The following CTNNA3 variants were observed in gnomAD, a reference collection of about 807,000 sequenced individuals.
CTNNA3 encodes catenin alpha 3, also known as catenin alpha-3.
Under a neutral mutation model 95.7 loss-of-function variants are expected in CTNNA3, and 76 were observed. The observed-to-expected ratio is 0.79, with a 90% CI of 0.66 to 0.96. The LOEUF is 0.96. Among genes scored for constraint, CTNNA3 ranks in the 40% least tolerant of loss-of-function variants. The pLI is 0.00. For synonymous variants in CTNNA3, 431 were observed against 374.4 expected, an observed-to-expected ratio of 1.15 and a Z score of -1.74; for missense variants, 1,191 against 1,089.8, an observed-to-expected ratio of 1.09 and a Z score of -1.31.
chr10:67,133,638 A>G (rs889769862), intron 7 of CTNNA3, among the ~76,000 whole-genome samples: 1 of 151,944 alleles, frequency 6.6e-6, no homozygotes, highest in Non-Finnish European at 1.5e-5. Context: ...GAATCAGGAG[A>G]TTAAAACTCT....
rs1795610223 is a variant in CTNNA3 at position 66,223,307 on chromosome 10, G to A, written c.1884+57163C>T. Among the ~76,000 whole-genome samples the A allele has an allele frequency of 1.3e-5, 2 of 152,012 alleles. 1 individual carries two copies. Among genetic ancestry groups the A allele is most frequent in the South Asian group, 4.1e-4 (2 of 4,820 alleles). ...AAACTACCTAAGTATGTTAGGTAAT[G>A]GGTTACTTATGAAAATTAAGTATTT... On this transcript the variant is annotated intron_variant, in intron 13 of 17. Coordinates refer to ENST00000433211, the MANE Select transcript of CTNNA3 (RefSeq NM_013266.4).
In CTNNA3 at chr10:66,280,828, A is replaced by AT. The variant is rs61169201; in HGVS notation, c.1733-208dup. Among the ~76,000 whole-genome samples the AT allele has an allele frequency of 0.27, 39,896 of 150,146 alleles. 5,979 individuals carry two copies. Among genetic ancestry groups the AT allele is most frequent in the African/African-American group, 0.41 (16,942 of 41,092 alleles). ...AAACGAATCAAAGACAATTAAAGGC[A>AT]TTTTTTTTTTCTAAACCCCAGGCTT... On this transcript the variant is annotated intron_variant, in intron 12 of 17. Coordinates refer to ENST00000433211, the MANE Select transcript of CTNNA3 (RefSeq NM_013266.4).
At chr10:66,551,933 C>T (rs529844215) in intron 10 of CTNNA3, among the ~76,000 whole-genome samples, 14 of 134,374 alleles carry the variant, frequency 1.0e-4, no homozygotes, top group African/African-American at 3.1e-4. Flanking sequence ...GACAGAGTCT[C>T]GCTCTGTCGC....
rs188407346 is a variant in CTNNA3, at chr10:67,626,727, T to A, written c.100-19678A>T. Among the ~76,000 whole-genome samples the A allele has an allele frequency of 3.5e-3, 540 of 152,278 alleles. 3 individuals carry two copies. Among genetic ancestry groups the A allele is most frequent in the Non-Finnish European group, 4.7e-3 (318 of 68,018 alleles). On this transcript the variant is annotated intron_variant, in intron 2 of 17. Transcript: ENST00000433211. Reference sequence around the variant, plus strand: ...CTCTTTTTTGCATTAAACTCCCTCATCTATTTGACTTTTGTATACATACAT... The same window carrying A: ...CTCTTTTTTGCATTAAACTCCCTCAACTATTTGACTTTTGTATACATACAT...
At chr10:66,797,422 A>ACC (rs1554853579) in intron 7 of CTNNA3, among the ~76,000 whole-genome samples, 2 of 148,874 alleles carry the variant, frequency 1.3e-5, no homozygotes, top group African/African-American at 5.0e-5. Context: ...AAAAAAAAAA[A>ACC]CCCACATTTA....
chr10:67,487,649 G>A (rs1848493978), intron 5 of CTNNA3, among the ~76,000 whole-genome samples: 2 of 152,226 alleles, frequency 1.3e-5, no homozygotes, highest in African/African-American at 4.8e-5. Flanking sequence ...AAAAGCTAGA[G>A]TTGTAACCTG....
chr10:67,464,300 A>T (rs1847493811), intron 5 of CTNNA3, among the ~76,000 whole-genome samples: 1 of 152,064 alleles, frequency 6.6e-6, no homozygotes, highest in African/African-American at 2.4e-5. Flanking sequence ...ACCAATTCAA[A>T]TTTTTTATAT....
intron 5 of CTNNA3, among the ~76,000 whole-genome samples, chr10:67,515,865 TC>T (rs1357234718): frequency 1.3e-5 from 2 of 152,160 alleles, no homozygotes; most frequent in African/African-American, 4.8e-5. Flanking sequence ...GCTTAGCACC[TC>T]CCCTTAGTAC....
intron 13 of CTNNA3, among the ~76,000 whole-genome samples, chr10:66,212,340 G>A (rs977482566): frequency 6.6e-6 from 1 of 152,026 alleles, no homozygotes; most frequent in African/African-American, 2.4e-5. Flanking sequence ...ATAGTAATCT[G>A]TTATACATGT....
intron 7 of CTNNA3, among the ~76,000 whole-genome samples, chr10:66,920,466 C>A (rs932175357): frequency 5.3e-5 from 8 of 151,796 alleles, no homozygotes; most frequent in Admixed American, 2.6e-4. Context: ...TTTGGCTCTA[C>A]TGCCCTCCAA....
At chr10:67,725,921 A>ATATATAAT (rs374402638) in intron 1 of CTNNA3, among the ~76,000 whole-genome samples, 39,699 of 137,634 alleles carry the variant, frequency 0.29, 6,339 homozygotes, top group East Asian at 0.51. Flanking sequence ...ATTGTACATA[A>ATATATAAT]TATATAATTA....
chr10:67,112,138 CATT>C (rs1487769118), intron 7 of CTNNA3, among the ~76,000 whole-genome samples: 1 of 152,112 alleles, frequency 6.6e-6, no homozygotes, highest in Non-Finnish European at 1.5e-5. Flanking sequence ...TATAACTGGT[CATT>C]ATGATAATAC....
At chr10:67,550,297 C>G (rs1422692877) in intron 3 of CTNNA3, among the ~76,000 whole-genome samples, 1 of 152,152 alleles carries the variant, frequency 6.6e-6, no homozygotes, top group Non-Finnish European at 1.5e-5. Context: ...TCAGCCAGCT[C>G]TAAATAATGC....
chr10:66,416,607 GA>G (rs1201290432), intron 11 of CTNNA3, among the ~76,000 whole-genome samples: 3 of 151,622 alleles, frequency 2.0e-5, no homozygotes, highest in African/African-American at 7.3e-5. Flanking sequence ...ATCAGAACAA[GA>G]GAAAATTTAT....
At chr10:66,573,068 T>G (rs1298211250) in intron 10 of CTNNA3, among the ~76,000 whole-genome samples, 3 of 152,148 alleles carry the variant, frequency 2.0e-5, no homozygotes, top group Non-Finnish European at 4.4e-5. Flanking sequence ...ATGGAAACAG[T>G]GCATCTAGGG....
At chr10:67,028,648 T>TAAA (rs35905009) in intron 7 of CTNNA3, among the ~76,000 whole-genome samples, 6 of 142,206 alleles carry the variant, frequency 4.2e-5, no homozygotes, top group East Asian at 4.1e-4. Context: ...TAGTTCTACT[T>TAAA]AAAAAAAAAA....
At chr10:67,094,765 A>T (rs1857866095) in intron 7 of CTNNA3, among the ~76,000 whole-genome samples, 1 of 151,746 alleles carries the variant, frequency 6.6e-6, no homozygotes, top group African/African-American at 2.4e-5. Flanking sequence ...TCAGTGCAAA[A>T]TATTCATAAT....
chr10:67,221,542 A>C (rs1030521363), intron 5 of CTNNA3, among the ~76,000 whole-genome samples: 2 of 152,136 alleles, frequency 1.3e-5, no homozygotes, highest in Non-Finnish European at 2.9e-5. Context: ...CCTAAAAACT[A>C]TGTGACATTA....
At chr10:67,168,574 T>G (rs1395945986) in intron 7 of CTNNA3, among the ~76,000 whole-genome samples, 1 of 152,150 alleles carries the variant, frequency 6.6e-6, no homozygotes, top group African/African-American at 2.4e-5. Context: ...TTTGATAAAA[T>G]TCAACACCCG....
Sources: allele counts gnomAD v4.1 joint callset (sites outside exome capture counted in the v4.1 genomes callset), GRCh38; gene constraint gnomAD v4.1.1; transcripts MANE v1.5; gene names NCBI Gene and HGNC (gene_info 2026-07-23, HGNC 2026-07-21).